SLC6A19: variants seen among roughly 807,000 people sequenced by gnomAD.
SLC6A19 encodes the protein solute carrier family 6 member 19.
A neutral mutation model predicts 68.3 loss-of-function variants in SLC6A19; 67 were observed. That is an observed-to-expected ratio of 0.98 (90% CI 0.81 to 1.20). SLC6A19 has a LOEUF of 1.20. Ranked by LOEUF, SLC6A19 falls within the 50% of genes most tolerant of loss-of-function variation. The pLI, the probability that SLC6A19 is intolerant of heterozygous loss-of-function variation, is 0.00. For missense variants in SLC6A19, 813 were observed against 851.6 expected (o/e 0.95, Z 0.56); for synonymous variants, 392 against 374.9 (o/e 1.05, Z -0.53).
At chr5:1,208,344 G>GC (rs1745913168) in intron 1 of SLC6A19, among the ~76,000 whole-genome samples, 1 of 152,142 alleles carries the variant, frequency 6.6e-6, no homozygotes, top group Admixed American at 6.5e-5. Context: ...GCTGTTGGAA[G>GC]CCCCTGGCTG....
At position 1,224,714 on chromosome 5, in the gene SLC6A19, C is replaced by T. The variant is rs1344210674; in HGVS notation, c.*2810C>T. The T allele has an allele frequency of 6.6e-6, 1 of 152,526 alleles. No homozygotes were observed. Among genetic ancestry groups the T allele is most frequent in the Admixed American group, 6.5e-5 (1 of 15,292 alleles). The allele number at this position is 152,526 out of a possible 1,614,324, so 9.4% of individuals were successfully genotyped here. The stretch of plus-strand genomic sequence containing the variant: ...CCAGTGGAATGGGGCAATTGCGGGC[C>T]TGGGGGCCCTTGGCCTGTCCGTGGC... On this transcript the variant is annotated 3_prime_UTR_variant, in exon 12 of 12. Transcript: ENST00000304460.
chr5:1,216,125 G>T (rs570708686), intron 6 of SLC6A19, among the ~76,000 whole-genome samples: 1 of 152,338 alleles, frequency 6.6e-6, no homozygotes, highest in East Asian at 1.9e-4. Flanking sequence ...TTTAGGAAAT[G>T]GTGAGGTCTC....
rs34896724 is a variant in SLC6A19, at chr5:1,222,384, T to C, written c.*480T>C. The C allele has an allele frequency of 0.15, 67,217 of 459,750 alleles. 5,569 individuals are homozygous for C. The highest frequency in any genetic ancestry group is 0.2 in the Middle Eastern group (370 of 1,834). 28.5% of individuals were successfully genotyped at this position (459,750 alleles called of 1,614,324 possible). A position where few individuals can be genotyped will look rare whatever the true frequency, so the allele number is the denominator to read the frequency against. Reference sequence around the variant, plus strand: ...TGTGCTCGTACAATGGGTGTCCACATGCACGTGTATATGTATATCTGTGAG... The same window carrying C: ...TGTGCTCGTACAATGGGTGTCCACACGCACGTGTATATGTATATCTGTGAG... On this transcript the variant is annotated 3_prime_UTR_variant, in exon 12 of 12. Coordinates refer to ENST00000304460, the MANE Select transcript of SLC6A19 (RefSeq NM_001003841.3).
At position 1,214,057 on chromosome 5, in the gene SLC6A19, C is replaced by T. The variant is rs372112141; in HGVS notation, c.879C>T (p.Asn293=). 37 of 1,613,762 alleles carry T rather than the reference C, an allele frequency of 2.3e-5. No individual in the cohort carries two copies. The highest frequency in any genetic ancestry group is 2.9e-5 in the Non-Finnish European group (34 of 1,180,022). Reference sequence around the variant, plus strand: ...GCCTCATCTCCTTCTCCAGCTACAACTCTGTGCAGTGAGTGCGGGTGTGGT... The same window carrying T: ...GCCTCATCTCCTTCTCCAGCTACAATTCTGTGCAGTGAGTGCGGGTGTGGT... The part of the protein sequence containing the change: ...FGGLISFSSY[N]SVHNNCEKDS... The change falls in exon 6 of 12, where the codon AAC becomes AAT. Residue 293 remains asparagine, a synonymous_variant. Coordinates refer to ENST00000304460, the MANE Select transcript of SLC6A19 (RefSeq NM_001003841.3). This position sits in a 1 kb window ranked among gnomAD's most constrained non-coding sequence, Gnocchi z 7.4.
intron 3 of SLC6A19, among the ~76,000 whole-genome samples, chr5:1,211,233 C>T (rs868014793): frequency 4.3e-4 from 65 of 152,304 alleles, no homozygotes; most frequent in African/African-American, 1.4e-3. Context: ...GGTCCTCCCA[C>T]GATACGTGCA....
Position 1,222,097 on chromosome 5 carries a change from CTGTG to C in SLC6A19, c.*196_*199del, listed in dbSNP as rs35482871. 4 of 649,326 alleles carry C rather than the reference CTGTG, an allele frequency of 6.2e-6. No homozygotes were observed. Among genetic ancestry groups the C allele is most frequent in the East Asian group, 2.7e-5 (1 of 36,616 alleles). 40.2% of individuals were successfully genotyped at this position (649,326 alleles called of 1,614,324 possible). On this transcript the variant is annotated 3_prime_UTR_variant, in exon 12 of 12. Coordinates refer to ENST00000304460, the MANE Select transcript of SLC6A19 (RefSeq NM_001003841.3). ...GTGTGTGCATGTACATGCATGGGCA[CTGTG>C]TGAGTGTGCACGTGTATGCACACAT...
intron 8 of SLC6A19, 61 bp from the exon 9 acceptor site, chr5:1,218,842 C>A (rs543189766): frequency 2.2e-4 from 340 of 1,575,346 alleles, no homozygotes; most frequent in Admixed American, 5.4e-4. Flanking sequence ...AGACCTCGGG[C>A]GGGGAGGAGA....
intron 3 of SLC6A19, among the ~76,000 whole-genome samples, chr5:1,211,824 GTGTGCA>G (rs914424505): frequency 3.3e-5 from 5 of 149,880 alleles, no homozygotes; most frequent in African/African-American, 2.5e-5. Context: ...TACTGTGTGT[GTGTGCA>G]TGTGCATGTG....
chr5:1,212,794 G>A lies in SLC6A19; in HGVS notation c.663+310G>A, dbSNP rs765427588. Among the ~76,000 whole-genome samples the A allele has an allele frequency of 2.2e-4, 33 of 152,212 alleles. No individual in the cohort carries two copies. The highest frequency in any genetic ancestry group is 3.8e-4 in the Non-Finnish European group (26 of 67,996). On this transcript the variant is annotated intron_variant, in intron 4 of 11. Coordinates refer to ENST00000304460, the MANE Select transcript of SLC6A19 (RefSeq NM_001003841.3). The surrounding 1 kb of genome is among the most constrained non-coding windows in gnomAD (Gnocchi z 5.1). ...GAGATAGACGATGATGATGATGATG[G>A]TGATGATGGTGATGATAAAACAGGA...
chr5:1,204,889 G>T (rs1049153027), intron 1 of SLC6A19, among the ~76,000 whole-genome samples: 2 of 149,120 alleles, frequency 1.3e-5, no homozygotes, highest in African/African-American at 4.9e-5. Flanking sequence ...TTTACTTGGT[G>T]CCACAAACAC....
intron 2 of SLC6A19, among the ~76,000 whole-genome samples, chr5:1,210,095 G>A (rs1357823819): frequency 3.3e-5 from 5 of 152,264 alleles, no homozygotes; most frequent in Admixed American, 2.0e-4. Context: ...TACATCAAAA[G>A]TTCTCTGCGA....
At position 1,214,252 on chromosome 5, in the gene SLC6A19, G is replaced by T. The variant is rs1321169543; in HGVS notation, c.887+187G>T. Reference sequence around the variant, plus strand: ...CTAGAGTGCAGCATGTGGAGGAGGGGCAGGTCTCCCTGTGAGGAGGGCCAG... The same window carrying T: ...CTAGAGTGCAGCATGTGGAGGAGGGTCAGGTCTCCCTGTGAGGAGGGCCAG... On this transcript the variant is annotated intron_variant, in intron 6 of 11. Transcript: ENST00000304460. This position sits in a 1 kb window ranked among gnomAD's most constrained non-coding sequence, Gnocchi z 7.4. 6.6e-6 allele frequency among the ~76,000 whole-genome samples: 1 copy of T among 152,120 alleles called. No homozygotes were observed. The highest frequency in any genetic ancestry group is 2.4e-5 in the African/African-American group (1 of 41,420).
intron 2 of SLC6A19, 102 bp downstream of exon 2, chr5:1,208,988 G>C: frequency 7.0e-7 from 1 of 1,429,868 alleles, no homozygotes; most frequent in Non-Finnish European, 9.4e-7. Flanking sequence ...CGGTGCCCCT[G>C]CTCTGCCTTC....
intron 8 of SLC6A19, among the ~76,000 whole-genome samples, chr5:1,217,175 G>A (rs1293877757): frequency 3.9e-5 from 6 of 152,246 alleles, no homozygotes; most frequent in East Asian, 1.9e-4. Context: ...ACGCAGAGGC[G>A]TAGGCTCAGA....
intron 10 of SLC6A19, among the ~76,000 whole-genome samples, chr5:1,220,943 T>C (rs1054477480): frequency 3.9e-5 from 6 of 152,090 alleles, no homozygotes; most frequent in African/African-American, 1.4e-4. Context: ...GCTGGTGGCA[T>C]CGTAGGGCAG....
chr5:1,212,562 C>G lies in SLC6A19; in HGVS notation c.663+78C>G, dbSNP rs1561165176. ...AGCCCTGCCTCCGGCCGGCTGCACT[C>G]TAAAACCCAGGTCTGGGGGTCCCGG... On this transcript the variant is annotated intron_variant, in intron 4 of 11. Transcript: ENST00000304460. The surrounding 1 kb of genome is among the most constrained non-coding windows in gnomAD (Gnocchi z 5.1). 1.3e-6 allele frequency: 2 copies of G among 1,572,292 alleles called. No individual in the cohort carries two copies. The highest frequency in any genetic ancestry group is 1.1e-5 in the South Asian group (1 of 90,038).
In SLC6A19 at chr5:1,214,282, CG is replaced by C. The variant is rs1554034840; in HGVS notation, c.887+220del. 1.3e-5 allele frequency among the ~76,000 whole-genome samples: 2 copies of C among 152,112 alleles called. No homozygotes were observed. The highest frequency in any genetic ancestry group is 2.9e-5 in the Non-Finnish European group (2 of 67,994). ...TCTCCCTGTGAGGAGGGCCAGGAGC[CG>C]GGCGCCTGCAGCTTTCCCCACACCC... is the stretch of plus-strand genomic sequence containing the variant. On this transcript the variant is annotated intron_variant, in intron 6 of 11. Coordinates refer to ENST00000304460, the MANE Select transcript of SLC6A19 (RefSeq NM_001003841.3). The surrounding 1 kb of genome is among the most constrained non-coding windows in gnomAD (Gnocchi z 7.4).
rs1433751216 is a variant in SLC6A19 at position 1,216,829 on chromosome 5, G to A, written c.1057G>A (p.Gly353Ser). 6.2e-7 allele frequency: 1 copy of A among 1,613,832 alleles called. No individual in the cohort carries two copies. The highest frequency in any genetic ancestry group is 8.5e-7 in the Non-Finnish European group (1 of 1,180,046). ...TLINGFDLPE[G>S]NVTQENFVDM... ...CATCAACGGGTTCGACCTGCCTGAA[G>A]GCAACGTGACCCAGGAGAACTTTGT... Residue 353 changes from glycine (G) to serine (S), a missense_variant, in exon 8 of 12, where the codon GGC (glycine) becomes AGC (serine). Transcript: ENST00000304460.
intron 11 of SLC6A19, 67 bp from the exon 12 acceptor site, chr5:1,221,634 C>A (rs1746383670): frequency 1.2e-5 from 19 of 1,584,338 alleles, no homozygotes; most frequent in East Asian, 9.0e-5. Context: ...GGGTGAGGGG[C>A]CTTTGCCTCA....
Sources: gnomAD v4.1 joint callset for allele counts (sites outside exome capture counted in the v4.1 genomes callset) on GRCh38, gnomAD v4.1.1 for gene constraint, Gnocchi (gnomAD v3.1) non-coding constraint, MANE v1.5 for transcripts, NCBI Gene and HGNC (gene_info 2026-07-23, HGNC 2026-07-21) for gene names.